ERC2: variants seen among roughly 807,000 people sequenced by gnomAD.
ERC2 encodes ELKS/RAB6-interacting/CAST family member 2.
A neutral mutation model predicts 114.8 loss-of-function variants in ERC2; 42 were observed. The ratio of observed to expected loss-of-function variants is 0.37; its 90% CI spans 0.29 to 0.47. The LOEUF is 0.47. ERC2 is among the 20% of genes least tolerant of loss of function. The pLI is 0.99. For missense variants in ERC2, 939 were observed against 1,150.7 expected (o/e 0.82, Z 2.66); for synonymous variants, 454 against 425.5 (o/e 1.07, Z -0.82).
chr3:56,353,939 C>T (rs1414746696), intron 2 of ERC2, among the ~76,000 whole-genome samples: 2 of 151,768 alleles, frequency 1.3e-5, no homozygotes, highest in African/African-American at 2.4e-5. Flanking sequence ...ATTAAGGGTA[C>T]ATATTATTCC....
At chr3:56,306,680 C>A (rs193168531) in intron 2 of ERC2, among the ~76,000 whole-genome samples, 5 of 152,092 alleles carry the variant, frequency 3.3e-5, no homozygotes, top group Non-Finnish European at 7.4e-5. Flanking sequence ...AATTTACATA[C>A]GTGTTCTTTT....
chr3:56,228,972 G>T (rs546197584), intron 3 of ERC2, among the ~76,000 whole-genome samples: 1 of 152,106 alleles, frequency 6.6e-6, no homozygotes, highest in Non-Finnish European at 1.5e-5. Flanking sequence ...ATGGGTAAGA[G>T]TCCATACCAG....
At chr3:55,847,772 C>T (rs767768754) in intron 14 of ERC2, among the ~76,000 whole-genome samples, 1 of 152,268 alleles carries the variant, frequency 6.6e-6, no homozygotes, top group South Asian at 2.1e-4. Context: ...GTGATTCTCA[C>T]TTCATTGCTT....
chr3:55,883,166 T>A (rs2149308711), intron 14 of ERC2, among the ~76,000 whole-genome samples: 1 of 152,346 alleles, frequency 6.6e-6, no homozygotes, highest in East Asian at 1.9e-4. Context: ...AAATACTTTT[T>A]GAGTGCCTAC....
intron 14 of ERC2, among the ~76,000 whole-genome samples, chr3:55,864,222 CAT>C (rs540674738): frequency 2.9e-4 from 41 of 140,478 alleles, no homozygotes; most frequent in Middle Eastern, 3.8e-3. Context: ...CATATATACA[CAT>C]ATATATGTGT....
At chr3:55,660,779 A>G (rs113497423) in intron 17 of ERC2, among the ~76,000 whole-genome samples, 6 of 152,278 alleles carry the variant, frequency 3.9e-5, no homozygotes, top group African/African-American at 1.2e-4. Flanking sequence ...CCCTGCCATT[A>G]ATAAGCCATG....
At chr3:55,662,011 A>G (rs1205029071) in intron 17 of ERC2, among the ~76,000 whole-genome samples, 1 of 152,156 alleles carries the variant, frequency 6.6e-6, no homozygotes, top group Non-Finnish European at 1.5e-5. Context: ...TAAGGTTTTT[A>G]TATATGAAGC....
intron 10 of ERC2, among the ~76,000 whole-genome samples, chr3:55,995,075 C>T (rs138898577): frequency 1.2e-3 from 179 of 152,240 alleles, no homozygotes; most frequent in African/African-American, 4.2e-3. Context: ...TGGCTCACGC[C>T]TGTAAACCCA....
chr3:56,222,680 A>G (rs1441222252), intron 3 of ERC2, among the ~76,000 whole-genome samples: 1 of 152,088 alleles, frequency 6.6e-6, no homozygotes, highest in Non-Finnish European at 1.5e-5. Context: ...CAATGAATAT[A>G]CTCCACACCT....
intron 3 of ERC2, among the ~76,000 whole-genome samples, chr3:56,186,352 GT>G (rs1020152259): frequency 4.7e-5 from 7 of 149,618 alleles, no homozygotes; most frequent in African/African-American, 1.2e-4. Flanking sequence ...CTGTTGGAGA[GT>G]TTTTTTTTCT....
intron 14 of ERC2, among the ~76,000 whole-genome samples, chr3:55,740,827 T>A (rs999383173): frequency 6.6e-6 from 1 of 152,116 alleles, no homozygotes; most frequent in Non-Finnish European, 1.5e-5. Context: ...AGGTTGAACA[T>A]CCCAAATCCA....
intron 15 of ERC2, among the ~76,000 whole-genome samples, chr3:55,709,689 C>T (rs76956515): frequency 0.017 from 2,532 of 152,306 alleles, 39 homozygotes; most frequent in African/African-American, 0.043. Context: ...GGGCATAAAC[C>T]TCCCAGCACC....
chr3:55,687,039 C>T (rs977089414), intron 16 of ERC2, among the ~76,000 whole-genome samples: 9 of 152,160 alleles, frequency 5.9e-5, no homozygotes, highest in South Asian at 2.1e-4. Flanking sequence ...CCAGGGATGA[C>T]GTGACAGACA....
intron 17 of ERC2, among the ~76,000 whole-genome samples, chr3:55,530,996 C>T (rs2053630650): frequency 6.6e-6 from 1 of 152,154 alleles, no homozygotes; most frequent in Non-Finnish European, 1.5e-5. Context: ...GAAGTCTGCT[C>T]AGGGAACCTC....
At chr3:56,086,470 T>C (rs1576873075) in intron 6 of ERC2, among the ~76,000 whole-genome samples, 1 of 151,706 alleles carries the variant, frequency 6.6e-6, no homozygotes, top group East Asian at 1.9e-4. Flanking sequence ...AGTTTTGCAC[T>C]AGAAATGGGC....
intron 7 of ERC2, among the ~76,000 whole-genome samples, chr3:56,027,117 T>C (rs753495474): frequency 6.6e-6 from 1 of 152,258 alleles, no homozygotes; most frequent in East Asian, 1.9e-4. Flanking sequence ...TCTCTGAAGA[T>C]CCATCAAAGT....
intron 13 of ERC2, among the ~76,000 whole-genome samples, chr3:55,890,150 T>G (rs2063536206): frequency 6.6e-6 from 1 of 152,228 alleles, no homozygotes; most frequent in East Asian, 1.9e-4. Flanking sequence ...AATAAACTTT[T>G]CAGTTTCTCA....
At chr3:56,116,829 C>T (rs1471975792) in intron 6 of ERC2, among the ~76,000 whole-genome samples, 3 of 152,138 alleles carry the variant, frequency 2.0e-5, no homozygotes, top group Non-Finnish European at 4.4e-5. Context: ...CTTTCATGTT[C>T]CTTGTCTGGC....
intron 16 of ERC2, 87 bp downstream of exon 16, chr3:55,699,291 T>G: frequency 2.0e-6 from 3 of 1,514,662 alleles, no homozygotes; most frequent in Non-Finnish European, 2.7e-6. Context: ...CTTTATGATG[T>G]TTATTATTTC....
Sources: allele counts gnomAD v4.1 joint callset (sites outside exome capture counted in the v4.1 genomes callset), GRCh38; gene constraint gnomAD v4.1.1; transcripts MANE v1.5; gene names NCBI Gene and HGNC (gene_info 2026-07-23, HGNC 2026-07-21).